The following CGNL1 variants were observed in gnomAD, a reference collection of about 807,000 sequenced individuals.
CGNL1 encodes cingulin-like protein 1.
Under a neutral mutation model 141.2 loss-of-function variants are expected in CGNL1, and 132 were observed. The observed-to-expected ratio is 0.93, with a 90% CI of 0.81 to 1.08. The LOEUF (loss-of-function observed/expected upper bound fraction) is 1.08, where lower values mean the gene tolerates loss of function less well. Among genes scored for constraint, CGNL1 ranks in the 50% least tolerant of loss-of-function variants. The pLI, the probability that CGNL1 is intolerant of heterozygous loss-of-function variation, is 0.00. For missense variants in CGNL1, 1,870 were observed against 1,588.6 expected, an observed-to-expected ratio of 1.18 and a Z score of -3.01; for synonymous variants, 690 against 622.1, an observed-to-expected ratio of 1.11 and a Z score of -1.63.
intron 8 of CGNL1, among the ~76,000 whole-genome samples, chr15:57,472,326 T>C (rs1319086588): frequency 6.6e-6 from 1 of 151,532 alleles, no homozygotes; most frequent in Non-Finnish European, 1.5e-5. Context: ...CTGTGAAGGG[T>C]GGTTGAAAGT....
chr15:57,515,144 T>C (rs575188202), intron 8 of CGNL1, among the ~76,000 whole-genome samples: 3 of 152,324 alleles, frequency 2.0e-5, no homozygotes, highest in Non-Finnish European at 2.9e-5. Flanking sequence ...CTGTATATTT[T>C]TGTGACATGT....
rs375608972 is a variant in CGNL1, at chr15:57,415,847, A to G, written c.-15-22138A>G. Among the ~76,000 whole-genome samples, 40 of 152,362 alleles carry G rather than the reference A, an allele frequency of 2.6e-4. 1 individual carries two copies. The South Asian group carries it at 6.2e-3, about 24-fold the overall frequency. The stretch of plus-strand genomic sequence containing the variant: ...TTACAGTTCTTTGGGCTCCTTCTGT[A>G]GTAGCTCTGCCAGAAAAGGGAACAA... On this transcript the variant is annotated intron_variant, in intron 1 of 18. Transcript: ENST00000281282.
At chr15:57,524,836 GT>G in intron 12 of CGNL1, 85 bp downstream of exon 12, 1 of 1,363,038 alleles carries the variant, frequency 7.3e-7, no homozygotes, top group Non-Finnish European at 1.0e-6. Flanking sequence ...GGACTTGGGG[GT>G]AGATTCGTGA....
At chr15:57,426,191 C>T in intron 1 of CGNL1, among the ~76,000 whole-genome samples, 1 of 152,048 alleles carries the variant, frequency 6.6e-6, no homozygotes. Flanking sequence ...GTCACCCAGA[C>T]TGGAGTACAG....
chr15:57,405,065 T>A (rs1567096117), intron 1 of CGNL1: 1 of 152,148 alleles, frequency 6.6e-6, no homozygotes, highest in Non-Finnish European at 1.5e-5. Flanking sequence ...TTCTTTCCTT[T>A]CTTTTTTTTG....
At chr15:57,447,335 C>T (rs1338734692) in intron 4 of CGNL1, among the ~76,000 whole-genome samples, 6 of 152,124 alleles carry the variant, frequency 3.9e-5, no homozygotes, top group Admixed American at 2.0e-4. Context: ...TTTGAATATC[C>T]TCTAGTACTT....
intron 1 of CGNL1, among the ~76,000 whole-genome samples, chr15:57,408,215 G>A (rs2062744924): frequency 6.6e-6 from 1 of 152,072 alleles, no homozygotes; most frequent in Non-Finnish European, 1.5e-5. Flanking sequence ...TTTCCCACAA[G>A]CAGCTGAAGG....
At chr15:57,536,774 G>T (rs544857753) in intron 14 of CGNL1, among the ~76,000 whole-genome samples, 72 of 152,270 alleles carry the variant, frequency 4.7e-4, no homozygotes, top group Non-Finnish European at 9.4e-4. Flanking sequence ...TGTTTTCAGG[G>T]CTTTCAAGGT....
Position 57,442,423 on chromosome 15 carries a change from A to G in CGNL1, c.1748A>G (p.Glu583Gly). 1.9e-6 allele frequency: 3 copies of G among 1,613,748 alleles called. No individual in the cohort carries two copies. Among genetic ancestry groups the G allele is most frequent in the Non-Finnish European group, 2.5e-6 (3 of 1,179,726 alleles). ...AAAAGGAAAGTCAACTTGGTCTTTG[A>G]GAAAATCCAGACCTTAAAGTCTCGA... ...ATKRKVNLVF[E>G]KIQTLKSRAA... Residue 583 changes from glutamate (E) to glycine (G), a missense_variant, in exon 4 of 19, where the codon GAG (glutamate) becomes GGG (glycine). By Grantham distance (98) the Glu-to-Gly change is moderately conservative (BLOSUM62 -2). Coordinates refer to ENST00000281282, the MANE Select transcript of CGNL1 (RefSeq NM_032866.5).
At chr15:57,506,301 G>C (rs1285674620) in intron 8 of CGNL1, among the ~76,000 whole-genome samples, 1 of 152,202 alleles carries the variant, frequency 6.6e-6, no homozygotes, top group African/African-American at 2.4e-5. Context: ...GGCACTGCAG[G>C]GGCATGTTGG....
chr15:57,465,226 A>T (rs192233397), intron 8 of CGNL1, among the ~76,000 whole-genome samples: 2 of 152,264 alleles, frequency 1.3e-5, no homozygotes, highest in African/African-American at 2.4e-5. Flanking sequence ...GGTATTATAG[A>T]ATAGAACATT....
intron 13 of CGNL1, among the ~76,000 whole-genome samples, chr15:57,529,806 T>C (rs1488194101): frequency 1.3e-5 from 2 of 152,280 alleles, no homozygotes; most frequent in African/African-American, 4.8e-5. Flanking sequence ...TAAACAGAAA[T>C]AATTTTCAAA....
intron 10 of CGNL1, among the ~76,000 whole-genome samples, chr15:57,520,071 G>C (rs1208448603): frequency 6.6e-6 from 1 of 152,192 alleles, no homozygotes; most frequent in African/African-American, 2.4e-5. Flanking sequence ...GTTGAGGCCT[G>C]TTTTCCCAGT....
intron 13 of CGNL1, among the ~76,000 whole-genome samples, chr15:57,529,947 C>T (rs1368467088): frequency 6.6e-6 from 1 of 152,214 alleles, no homozygotes; most frequent in Non-Finnish European, 1.5e-5. Flanking sequence ...TGTTGGACTG[C>T]TGTACATTTT....
At chr15:57,404,200 C>G (rs1229123128) in intron 1 of CGNL1, among the ~76,000 whole-genome samples, 3 of 152,318 alleles carry the variant, frequency 2.0e-5, no homozygotes, top group African/African-American at 7.2e-5. Context: ...TAGCTTATTT[C>G]TCTCACTTGC....
chr15:57,404,883 A>T (rs1369211977), intron 1 of CGNL1, among the ~76,000 whole-genome samples: 2 of 152,158 alleles, frequency 1.3e-5, no homozygotes, highest in African/African-American at 2.4e-5. Context: ...GAGCCGTAAG[A>T]CCCCTGAAGT....
At chr15:57,441,413 G>A (rs1427967134) in intron 3 of CGNL1, among the ~76,000 whole-genome samples, 1 of 151,850 alleles carries the variant, frequency 6.6e-6, no homozygotes, top group African/African-American at 2.4e-5. Flanking sequence ...CTGTCATCCA[G>A]GCTGGAATGC....
chr15:57,438,666 G>T lies in CGNL1; in HGVS notation c.667G>T (p.Val223Phe). The T allele has an allele frequency of 6.2e-7, 1 of 1,614,152 alleles. No homozygotes were observed. The highest frequency in any genetic ancestry group is 1.1e-5 in the South Asian group (1 of 91,082). The change falls in exon 2 of 19, where the codon GTC becomes TTC. Residue 223 changes from valine to phenylalanine, a missense_variant. Val to Phe is a conservative substitution (Grantham distance 50, BLOSUM62 -1). Transcript: ENST00000281282. Reference sequence around the variant, plus strand: ...AGCTATTCGTTTATGCAGCTCCGTGGTCATAGAGGACCCCAAAAAGCAGAC... The same window carrying T: ...AGCTATTCGTTTATGCAGCTCCGTGTTCATAGAGGACCCCAAAAAGCAGAC... Reference protein sequence around the residue: ...VTAIRLCSSVVIEDPKKQTSV... With the variant: ...VTAIRLCSSVFIEDPKKQTSV...
Position 57,537,087 on chromosome 15 carries a change from G to T in CGNL1, c.3291+5308G>T, listed in dbSNP as rs79735524. ...ATAGGCTGTTGTGCTGGCTCGATAA[G>T]CACTGCTGCAAATGCTTCACAGCAG... On this transcript the variant is annotated intron_variant, in intron 14 of 18. Transcript: ENST00000281282. Among the ~76,000 whole-genome samples, 828 of 152,310 alleles carry T rather than the reference G, an allele frequency of 5.4e-3. 2 individuals carry two copies. Among genetic ancestry groups the T allele is most frequent in the Non-Finnish European group, 8.9e-3 (606 of 68,028 alleles).
Sources: gnomAD v4.1 joint callset for allele counts (sites outside exome capture counted in the v4.1 genomes callset) on GRCh38, gnomAD v4.1.1 for gene constraint, MANE v1.5 for transcripts, NCBI Gene and HGNC (gene_info 2026-07-23, HGNC 2026-07-21) for gene names.